The following PCDHGA8 variants were observed in gnomAD, a reference collection of about 807,000 sequenced individuals.
PCDHGA8 encodes protocadherin gamma-A8.
In PCDHGA8, 45 loss-of-function variants were observed where a neutral mutation model predicts 59.2. The observed-to-expected ratio is 0.76, with a 90% CI of 0.60 to 0.98. PCDHGA8 has a LOEUF of 0.98. PCDHGA8 is among the 50% of genes least tolerant of loss of function. The pLI is 0.00. For synonymous variants in PCDHGA8, 531 were observed against 519.0 expected, an observed-to-expected ratio of 1.02 and a Z score of -0.32; for missense variants, 1,257 against 1,196.2, an observed-to-expected ratio of 1.05 and a Z score of -0.75.
At chr5:141,447,636 T>C (rs772671166) in intron 1 of PCDHGA8, among the ~76,000 whole-genome samples, 49 of 152,136 alleles carry the variant, frequency 3.2e-4, no homozygotes, top group Non-Finnish European at 5.3e-4. Context: ...ACAGTATGAA[T>C]GATGGTAGAA....
intron 1 of PCDHGA8, chr5:141,428,269 C>T (rs1326212294): frequency 1.3e-6 from 1 of 777,738 alleles, no homozygotes; most frequent in Non-Finnish European, 2.2e-6. Flanking sequence ...CAGTCCTGTG[C>T]CCTCTGATTC....
At chr5:141,423,042 G>A in intron 1 of PCDHGA8, 1 of 1,614,220 alleles carries the variant, frequency 6.2e-7, no homozygotes, top group Non-Finnish European at 8.5e-7. Context: ...ACGCCTGGCT[G>A]TCCTATCGCC....
intron 1 of PCDHGA8, among the ~76,000 whole-genome samples, chr5:141,456,379 C>A (rs181915740): frequency 1.3e-5 from 2 of 152,162 alleles, no homozygotes; most frequent in East Asian, 3.9e-4. Context: ...GTTTACAGCA[C>A]CGTTTGGAGT....
rs1288831801 is a variant in PCDHGA8, at chr5:141,477,793, T to C, written c.2425-17014T>C. The C allele has an allele frequency of 6.2e-7, 1 of 1,614,050 alleles. No homozygotes were observed. The highest frequency in any genetic ancestry group is 2.2e-5 in the East Asian group (1 of 44,874). ...TCAGCGTGAACATATTTGTCACTGATCGCAATGACAATGCCCCCCAGGTCC... is the reference window on the plus strand; with the variant it reads ...TCAGCGTGAACATATTTGTCACTGACCGCAATGACAATGCCCCCCAGGTCC... On this transcript the variant is annotated intron_variant, in intron 1 of 3. Coordinates refer to ENST00000398604, the MANE Select transcript of PCDHGA8 (RefSeq NM_032088.2). This position sits in a 1 kb window ranked among gnomAD's most constrained non-coding sequence, Gnocchi z 4.9.
rs200580042 is a variant in PCDHGA8 at position 141,486,553 on chromosome 5, T to C, written c.2425-8254T>C. 5.4e-5 allele frequency: 87 copies of C among 1,614,028 alleles called. No individual in the cohort carries two copies. The highest frequency in any genetic ancestry group is 7.2e-5 in the Non-Finnish European group (85 of 1,180,046). On this transcript the variant is annotated intron_variant, in intron 1 of 3. Coordinates refer to ENST00000398604, the MANE Select transcript of PCDHGA8 (RefSeq NM_032088.2). The surrounding 1 kb of genome is among the most constrained non-coding windows in gnomAD (Gnocchi z 5.0). ...CACCCTCTTTCTTTCAGAGGTCACA[T>C]GAGGTGTTTGTTCCTGAGAACAATC...
intron 1 of PCDHGA8, among the ~76,000 whole-genome samples, chr5:141,466,036 G>C (rs981390655): frequency 1.3e-5 from 2 of 152,064 alleles, no homozygotes; most frequent in Non-Finnish European, 2.9e-5. Context: ...GCAGGAGAAC[G>C]GCATGAACCC....
At chr5:141,457,289 G>C (rs907200077) in intron 1 of PCDHGA8, among the ~76,000 whole-genome samples, 2 of 152,146 alleles carry the variant, frequency 1.3e-5, no homozygotes, top group African/African-American at 4.8e-5. Flanking sequence ...GAAGTTCCTT[G>C]GTTTTATTTT....
At chr5:141,449,450 T>C (rs1269861041) in intron 1 of PCDHGA8, among the ~76,000 whole-genome samples, 2 of 151,216 alleles carry the variant, frequency 1.3e-5, no homozygotes, top group Non-Finnish European at 2.9e-5. Context: ...CTACTAAAAA[T>C]ACAAAAATTA....
intron 1 of PCDHGA8, chr5:141,403,461 A>G (rs2094410364): frequency 6.2e-7 from 1 of 1,614,010 alleles, no homozygotes; most frequent in Non-Finnish European, 8.5e-7. Context: ...CTCCAGAGCT[A>G]CCAGCTCAGC....
chr5:141,401,890 C>T (rs2094204069), intron 1 of PCDHGA8, among the ~76,000 whole-genome samples: 1 of 152,084 alleles, frequency 6.6e-6, no homozygotes, highest in Non-Finnish European at 1.5e-5. Context: ...ATTTTGTGTT[C>T]TTTTTCCCAA....
intron 1 of PCDHGA8, chr5:141,415,883 G>C: frequency 1.0e-6 from 1 of 984,090 alleles, no homozygotes; most frequent in Non-Finnish European, 1.4e-6. Context: ...GTACAATATT[G>C]ACAATTCCTA....
At chr5:141,482,570 C>A (rs2099568543) in intron 1 of PCDHGA8, among the ~76,000 whole-genome samples, 1 of 144,954 alleles carries the variant, frequency 6.9e-6, no homozygotes, top group African/African-American at 2.6e-5. Context: ...ATCTGCATAG[C>A]ATAAGATGCA....
chr5:141,425,834 C>A (rs925446924), intron 1 of PCDHGA8, among the ~76,000 whole-genome samples: 1 of 152,220 alleles, frequency 6.6e-6, no homozygotes, highest in Non-Finnish European at 1.5e-5. Context: ...CTTTTAAATT[C>A]TCTTTGCTGG....
intron 1 of PCDHGA8, chr5:141,408,226 G>T (rs909432449): frequency 2.1e-5 from 33 of 1,562,288 alleles, no homozygotes; most frequent in Admixed American, 3.9e-5. Flanking sequence ...GCGCGCAGAG[G>T]CGCCGGGCCG....
intron 1 of PCDHGA8, among the ~76,000 whole-genome samples, chr5:141,436,781 A>T (rs1041532929): frequency 6.6e-6 from 1 of 152,236 alleles, no homozygotes; most frequent in Non-Finnish European, 1.5e-5. Context: ...TGTGGATGGA[A>T]ATAAAACTGT....
Position 141,405,415 on chromosome 5 carries a change from GT to G in PCDHGA8, c.2424+10184del, listed in dbSNP as rs757320616. The G allele has an allele frequency of 3.1e-4, 488 of 1,559,566 alleles. 1 individual carries two copies. Among genetic ancestry groups the G allele is most frequent in the Admixed American group, 8.4e-4 (46 of 54,770 alleles). On this transcript the variant is annotated intron_variant, in intron 1 of 3. Transcript: ENST00000398604. Reference sequence around the variant, plus strand: ...TTTTCTTTCTTTCTTTTCTTTTTTTGTTTTTTGTTTTGTTTTGTTTTTGAGA... The same window carrying G: ...TTTTCTTTCTTTCTTTTCTTTTTTTGTTTTTGTTTTGTTTTGTTTTTGAGA...
At chr5:141,399,010 G>C in intron 1 of PCDHGA8, 1 of 1,613,844 alleles carries the variant, frequency 6.2e-7, no homozygotes, top group Non-Finnish European at 8.5e-7. Flanking sequence ...TTCAAAGAGC[G>C]GAGAAATTAC....
chr5:141,427,899 G>A, intron 1 of PCDHGA8: 1 of 1,571,372 alleles, frequency 6.4e-7, no homozygotes, highest in Non-Finnish European at 8.7e-7. Flanking sequence ...GGGCTCGCCC[G>A]CGCTCAGCGC....
chr5:141,466,683 A>G (rs1347308492), intron 1 of PCDHGA8, among the ~76,000 whole-genome samples: 1 of 152,170 alleles, frequency 6.6e-6, no homozygotes, highest in African/African-American at 2.4e-5. Context: ...CTTCCACTCA[A>G]GCTTCATCAT....
Sources: gnomAD v4.1 joint callset for allele counts (sites outside exome capture counted in the v4.1 genomes callset) on GRCh38, gnomAD v4.1.1 for gene constraint, Gnocchi (gnomAD v3.1) non-coding constraint, MANE v1.5 for transcripts, NCBI Gene and HGNC (gene_info 2026-07-23, HGNC 2026-07-21) for gene names.